The following ADGRD2 variants were observed in gnomAD, a reference collection of about 807,000 sequenced individuals.
ADGRD2 encodes adhesion G protein-coupled receptor D2, also known as G protein-coupled receptor PGR24.
A neutral mutation model predicts 44.4 loss-of-function variants in ADGRD2; 71 were observed. The ratio of observed to expected loss-of-function variants is 1.60; its 90% CI spans 1.32 to 1.95. The LOEUF (loss-of-function observed/expected upper bound fraction) is 1.95. Among genes scored for constraint, ADGRD2 ranks in the 30% most tolerant of loss-of-function variants. The pLI is 0.00. For missense variants in ADGRD2, 1,039 were observed against 512.4 expected (o/e 2.03, Z -9.92); for synonymous variants, 481 against 224.8 (o/e 2.14, Z -10.19).
At chr9:124,473,182 T>C (rs1002588142) in intron 17 of ADGRD2, among the ~76,000 whole-genome samples, 5 of 152,298 alleles carry the variant, frequency 3.3e-5, no homozygotes, top group Admixed American at 2.0e-4. Context: ...ATAAGCTAGG[T>C]ACATCCCACT....
exon 22 of ADGRD2, chr9:124,478,455 C>G (rs1258151255): frequency 6.6e-6 from 1 of 152,492 alleles, no homozygotes; most frequent in Non-Finnish European, 1.5e-5. Flanking sequence ...GCCCCCTGTT[C>G]CCCTAGCCCA....
At chr9:124,453,579 G>C in exon 3 of ADGRD2, 1 of 699,324 alleles carries the variant, frequency 1.4e-6, no homozygotes, top group Middle Eastern at 2.4e-4. Context: ...GGGCCTGCGC[G>C]CCGCCCTCAG....
exon 3 of ADGRD2, chr9:124,453,198 C>T (rs1250295676): frequency 3.0e-6 from 2 of 674,994 alleles, no homozygotes; most frequent in Non-Finnish European, 5.3e-6. Context: ...TTGCCGCGCC[C>T]GCGCTGCCCA....
chr9:124,464,192 A>T (rs1831771294), intron 10 of ADGRD2, among the ~76,000 whole-genome samples: 1 of 152,086 alleles, frequency 6.6e-6, no homozygotes, highest in African/African-American at 2.4e-5. Context: ...ATACATTAAA[A>T]TAAAAATAAA....
chr9:124,457,124 G>A (rs1271249435), intron 7 of ADGRD2, among the ~76,000 whole-genome samples: 1 of 152,172 alleles, frequency 6.6e-6, no homozygotes, highest in Non-Finnish European at 1.5e-5. Context: ...AGCATCTTGG[G>A]GCCAAGCCCA....
chr9:124,469,288 A>G (rs1831896277), exon 15 of ADGRD2: 3 of 718,036 alleles, frequency 4.2e-6, no homozygotes, highest in Admixed American at 2.0e-5. Context: ...GCCCCCGGAC[A>G]TTGCTGGCTC....
chr9:124,454,729 G>A lies in ADGRD2; in HGVS notation c.1109-114G>A. 1.6e-6 allele frequency: 1 copy of A among 616,178 alleles called. No individual in the cohort carries two copies. Among genetic ancestry groups the A allele is most frequent in the South Asian group, 1.8e-5 (1 of 54,364 alleles). 38.2% of individuals were successfully genotyped at this position (616,178 alleles called of 1,614,324 possible). ...TGTAGCCCCTGAGAGTTGGCGGCTT[G>A]TGACAAGTTTAATGGGTGCCCACCA... On this transcript the variant is annotated intron_variant, in intron 5 of 21. Transcript: ENST00000334810. This position sits in a 1 kb window ranked among gnomAD's most constrained non-coding sequence, Gnocchi z 4.5.
chr9:124,473,943 G>T lies in ADGRD2; in HGVS notation c.2759-1503G>T, dbSNP rs73594003. On this transcript the variant is annotated intron_variant, in intron 17 of 21. Transcript: ENST00000334810. The stretch of plus-strand genomic sequence containing the variant: ...CGAGAAATGGGGCAGGAGGGAGTGT[G>T]GGGGGCAGACAGAGTGGGGTCCTCA... Among the ~76,000 whole-genome samples the T allele has an allele frequency of 2.1e-3, 314 of 152,200 alleles. 2 individuals carry two copies. Among genetic ancestry groups the T allele is most frequent in the African/African-American group, 7.4e-3 (306 of 41,538 alleles).
intron 13 of ADGRD2, 149 bp from the exon 17 acceptor site, chr9:124,468,370 A>G (rs963123143): frequency 1.6e-5 from 11 of 677,866 alleles, no homozygotes; most frequent in Non-Finnish European, 2.1e-5. Context: ...AAGGCCCCGA[A>G]TGGTGGAGCG....
In ADGRD2 at chr9:124,467,383, T is replaced by C. The variant is rs1266822771; in HGVS notation, c.2027-338T>C. 4 of 246,660 alleles carry C rather than the reference T, an allele frequency of 1.6e-5. No individual in the cohort carries two copies. In the South Asian group the frequency reaches 3.7e-4, roughly 23 times the overall value. 15.3% of individuals were successfully genotyped at this position (246,660 alleles called of 1,614,324 possible). A position where few individuals can be genotyped will look rare whatever the true frequency, so the allele number is the denominator to read the frequency against. On this transcript the variant is annotated intron_variant, in intron 11 of 21. Coordinates refer to ENST00000334810, the Ensembl canonical transcript of ADGRD2. ...AAAAAAAGTCAGAGCGTGGACACTTTTCCACATCATGAGTATCATCCGCAG... is the reference window on the plus strand; with the variant it reads ...AAAAAAAGTCAGAGCGTGGACACTTCTCCACATCATGAGTATCATCCGCAG...
At chr9:124,478,010 A>C in intron 21 of ADGRD2, among the ~76,000 whole-genome samples, 1 of 149,010 alleles carries the variant, frequency 6.7e-6, no homozygotes, top group Non-Finnish European at 1.5e-5. Context: ...TCCAGCCCCG[A>C]CCCCACCCCG....
chr9:124,456,516 A>G (rs1432052900), intron 6 of ADGRD2, 106 bp from the exon 10 acceptor site: 1 of 669,254 alleles, frequency 1.5e-6, no homozygotes, highest in Non-Finnish European at 2.8e-6. Flanking sequence ...GGGTCTGGAG[A>G]GGGCAGGACC....
rs1444191275 is a variant in ADGRD2 at position 124,476,997 on chromosome 9, A to G, written c.*18+288A>G. ...CCTCTGTCCTCCCCTCTCTCTGCCC[A>G]GGGGGGCGCTGCCAAGGAGCACAGC... is the stretch of plus-strand genomic sequence containing the variant. On this transcript the variant is annotated intron_variant, in intron 21 of 21. Transcript: ENST00000334810. 8 of 661,662 alleles carry G rather than the reference A, an allele frequency of 1.2e-5. No homozygotes were observed. In the Admixed American group the frequency reaches 1.7e-4, roughly 14 times the overall value. 41.0% of individuals were successfully genotyped at this position (661,662 alleles called of 1,614,324 possible). A position where few individuals can be genotyped will look rare whatever the true frequency, so the allele number is the denominator to read the frequency against.
At chr9:124,469,054 A>C (rs1831889063) in intron 14 of ADGRD2, among the ~76,000 whole-genome samples, 168 bp from the exon 18 acceptor site, 1 of 152,158 alleles carries the variant, frequency 6.6e-6, no homozygotes, top group African/African-American at 2.4e-5. Flanking sequence ...CTGTGGCTCC[A>C]ATGCCACCCC....
exon 7 of ADGRD2, chr9:124,456,656 T>C (rs1395312626): frequency 1.4e-6 from 1 of 717,688 alleles, no homozygotes; most frequent in Non-Finnish European, 2.6e-6. Context: ...GTGGCGAGTG[T>C]GCAGCGCCTG....
rs371414769 is a variant in ADGRD2, at chr9:124,466,034, T to C, written c.1871-224T>C. The C allele has an allele frequency of 5.7e-5, 21 of 367,108 alleles. No homozygotes were observed. In the East Asian group the frequency reaches 7.1e-4, roughly 12 times the overall value. 22.7% of individuals were successfully genotyped at this position (367,108 alleles called of 1,614,324 possible). ...TTGGTCCCAGTGGCTCAGTAATTAA[T>C]TAAGTTGATAAATGACAGTCACTGG... is the stretch of plus-strand genomic sequence containing the variant. On this transcript the variant is annotated intron_variant, in intron 10 of 21. Coordinates refer to ENST00000334810, the Ensembl canonical transcript of ADGRD2.
chr9:124,468,796 A>G (rs1221517155), intron 14 of ADGRD2, 124 bp downstream of exon 17: 2 of 615,648 alleles, frequency 3.2e-6, no homozygotes, highest in Non-Finnish European at 5.8e-6. Context: ...TCCGGCATTT[A>G]GCGTCACCCA....
chr9:124,451,834 G>A (rs939092930), upstream of ADGRD2: 10 of 500,970 alleles, frequency 2.0e-5, no homozygotes, highest in African/African-American at 5.8e-5. Context: ...TGGCACAGAC[G>A]GAATAAAAGC....
intron 21 of ADGRD2, chr9:124,477,022 C>T: frequency 4.8e-6 from 3 of 630,924 alleles, no homozygotes; most frequent in African/African-American, 1.8e-5. Context: ...AGGAGCACAG[C>T]CTGCCTTTCT....
Sources: allele counts gnomAD v4.1 joint callset (sites outside exome capture counted in the v4.1 genomes callset), GRCh38; gene constraint gnomAD v4.1.1; non-coding constraint Gnocchi (gnomAD v3.1); transcripts MANE v1.5; gene names NCBI Gene and HGNC (gene_info 2026-07-23, HGNC 2026-07-21).